The following PLAAT1 variants were observed in gnomAD, a reference collection of about 807,000 sequenced individuals.
PLAAT1 encodes the protein phospholipase A and acyltransferase 1.
Under a neutral mutation model 16.4 loss-of-function variants are expected in PLAAT1, and 13 were observed. The observed-to-expected ratio is 0.79, with a 90% CI of 0.52 to 1.26. The LOEUF (loss-of-function observed/expected upper bound fraction) is 1.26. PLAAT1 is among the 50% of genes most tolerant of loss of function. The probability of loss-of-function intolerance (pLI) is 0.00; values close to 1 mark genes in which losing one functional copy is unlikely to be tolerated. For missense variants in PLAAT1, 218 were observed against 207.8 expected (o/e 1.05, Z -0.30); for synonymous variants, 73 against 78.4 (o/e 0.93, Z 0.36).
downstream of PLAAT1, chr3:193,275,123 A>G (rs374698924): frequency 3.7e-5 from 59 of 1,614,092 alleles, no homozygotes; most frequent in Non-Finnish European, 4.7e-5. Flanking sequence ...CATGGCTTTC[A>G]TAGCCTCCGT....
chr3:193,244,681 C>T (rs1009231117), intron 1 of PLAAT1, among the ~76,000 whole-genome samples: 10 of 152,024 alleles, frequency 6.6e-5, no homozygotes, highest in African/African-American at 2.4e-4. Context: ...GGTCAAGGGA[C>T]CACTTCTTGT....
intron 1 of PLAAT1, among the ~76,000 whole-genome samples, chr3:193,248,464 G>C (rs1716064491): frequency 6.6e-6 from 1 of 151,870 alleles, no homozygotes; most frequent in South Asian, 2.1e-4. Context: ...TTGTTTTCTG[G>C]TTAATTTGTA....
At chr3:193,246,605 A>G (rs903732802) in intron 1 of PLAAT1, among the ~76,000 whole-genome samples, 5 of 152,126 alleles carry the variant, frequency 3.3e-5, no homozygotes, top group Non-Finnish European at 7.4e-5. Context: ...CAAGATATCC[A>G]TCTGCCTCGG....
intron 2 of PLAAT1, among the ~76,000 whole-genome samples, chr3:193,259,793 T>C (rs540592323): frequency 2.2e-4 from 34 of 152,278 alleles, no homozygotes; most frequent in African/African-American, 8.2e-4. Context: ...AATGTTCATA[T>C]TGCCCAAAGC....
chr3:193,240,977 T>C (rs1041925266), upstream of PLAAT1: 11 of 347,944 alleles, frequency 3.2e-5, 1 homozygote, highest in Admixed American at 2.9e-4. Flanking sequence ...AAACGTTGGC[T>C]GCGGGAACGT....
downstream of PLAAT1, chr3:193,274,934 C>A: frequency 6.9e-7 from 1 of 1,450,288 alleles, no homozygotes; most frequent in Non-Finnish European, 9.4e-7. Flanking sequence ...ACTTTGAATG[C>A]TTGAATGGAG....
At chr3:193,242,666 G>T (rs1045135288) in intron 1 of PLAAT1, among the ~76,000 whole-genome samples, 2 of 152,120 alleles carry the variant, frequency 1.3e-5, no homozygotes, top group Non-Finnish European at 2.9e-5. Flanking sequence ...CTGTGGCAGC[G>T]GATAGTTAAT....
At chr3:193,263,372 G>T in intron 3 of PLAAT1, 137 bp downstream of exon 3, 1 of 794,258 alleles carries the variant, frequency 1.3e-6, no homozygotes, top group Non-Finnish European at 2.0e-6. Context: ...GACTTGAGTT[G>T]TCCAAGGTCC....
chr3:193,278,294 G>A (rs73196872), downstream of PLAAT1, among the ~76,000 whole-genome samples: 1,463 of 152,196 alleles, frequency 9.6e-3, 14 homozygotes, highest in Non-Finnish European at 0.013. Flanking sequence ...TCTTCCTGCC[G>A]TCATCTAATT....
intron 2 of PLAAT1, among the ~76,000 whole-genome samples, chr3:193,257,568 A>G (rs1716423781): frequency 6.6e-6 from 1 of 152,192 alleles, no homozygotes; most frequent in Non-Finnish European, 1.5e-5. Context: ...ATTTCTCAAA[A>G]CTATACAAAA....
intron 1 of PLAAT1, among the ~76,000 whole-genome samples, chr3:193,243,965 G>T (rs925050259): frequency 6.6e-6 from 1 of 152,184 alleles, no homozygotes; most frequent in Non-Finnish European, 1.5e-5. Flanking sequence ...GAATGATATA[G>T]TGTGTGACCC....
intron 1 of PLAAT1, among the ~76,000 whole-genome samples, chr3:193,248,846 A>C (rs112555088): frequency 6.6e-5 from 10 of 152,138 alleles, no homozygotes; most frequent in African/African-American, 2.4e-4. Flanking sequence ...TTCATACTAC[A>C]ATTACAGTAC....
chr3:193,248,984 A>G (rs1051373319), intron 1 of PLAAT1, among the ~76,000 whole-genome samples: 1 of 152,116 alleles, frequency 6.6e-6, no homozygotes, highest in Non-Finnish European at 1.5e-5. Context: ...CTTGTAAGGC[A>G]GGTCTAGTTG....
downstream of PLAAT1, chr3:193,281,121 A>G (rs1467283754): frequency 2.2e-6 from 2 of 921,166 alleles, no homozygotes; most frequent in African/African-American, 1.8e-5. Context: ...ATCTCTCAGG[A>G]TAAAGCAATC....
downstream of PLAAT1, among the ~76,000 whole-genome samples, chr3:193,273,995 G>A (rs761158410): frequency 3.3e-5 from 5 of 152,148 alleles, no homozygotes; most frequent in Admixed American, 6.5e-5. Flanking sequence ...TGTAATCCTA[G>A]CACTTTGGGA....
chr3:193,250,662 G>A (rs1392797336), intron 1 of PLAAT1, among the ~76,000 whole-genome samples: 1 of 152,040 alleles, frequency 6.6e-6, no homozygotes, highest in Non-Finnish European at 1.5e-5. Flanking sequence ...ACAAGCCAGA[G>A]GAAAAGGTGT....
At chr3:193,267,116 C>T (rs7613693) in intron 3 of PLAAT1, among the ~76,000 whole-genome samples, 8 of 152,076 alleles carry the variant, frequency 5.3e-5, no homozygotes, top group African/African-American at 1.9e-4. Flanking sequence ...GAACTCTCTC[C>T]TCCTTCCCCA....
chr3:193,256,758 A>G (rs566066530), intron 2 of PLAAT1, among the ~76,000 whole-genome samples: 1 of 152,308 alleles, frequency 6.6e-6, no homozygotes, highest in South Asian at 2.1e-4. Flanking sequence ...ACTTCTAGGA[A>G]TCTATTCTGG....
rs74439061 is a variant in PLAAT1 at position 193,248,048 on chromosome 3, C to T, written c.-1+6515C>T. Among the ~76,000 whole-genome samples the T allele has an allele frequency of 6.8e-3, 1,040 of 152,254 alleles. 14 individuals are homozygous for T. The highest frequency in any genetic ancestry group is 0.024 in the African/African-American group (995 of 41,552). On this transcript the variant is annotated intron_variant, in intron 1 of 3. Coordinates refer to ENST00000264735, the MANE Select transcript of PLAAT1 (RefSeq NM_020386.5). ...CATTATTGTATTGCAGTCCATGTCT[C>T]TCATCAGATCTATTAATATTTGCTT... is the stretch of plus-strand genomic sequence containing the variant.
Sources: allele counts gnomAD v4.1 joint callset (sites outside exome capture counted in the v4.1 genomes callset), GRCh38; gene constraint gnomAD v4.1.1; transcripts MANE v1.5; gene names NCBI Gene and HGNC (gene_info 2026-07-23, HGNC 2026-07-21).